Variants in ARHGAP44 observed in about 807,000 individuals in gnomAD.
The protein encoded by ARHGAP44 is Rho GTPase activating protein 44, also known as rho GTPase-activating protein 44.
Under a neutral mutation model 106.8 loss-of-function variants are expected in ARHGAP44, and 43 were observed. The observed-to-expected ratio is 0.40, with a 90% CI of 0.32 to 0.52. The LOEUF is 0.52. Among genes scored for constraint, ARHGAP44 ranks in the 20% least tolerant of loss-of-function variants. The pLI is 0.48. For synonymous variants in ARHGAP44, 439 were observed against 410.3 expected, an observed-to-expected ratio of 1.07 and a Z score of -0.85; for missense variants, 866 against 1,050.5, an observed-to-expected ratio of 0.82 and a Z score of 2.43.
chr17:12,828,676 CTG>C (rs2034998721), intron 1 of ARHGAP44, among the ~76,000 whole-genome samples: 1 of 119,828 alleles, frequency 8.3e-6, no homozygotes, highest in Admixed American at 1.1e-4. Flanking sequence ...GAGTCTCTCT[CTG>C]TCACTCAGGC....
At chr17:12,842,715 C>T (rs1230146195) in intron 1 of ARHGAP44, among the ~76,000 whole-genome samples, 1 of 152,190 alleles carries the variant, frequency 6.6e-6, no homozygotes, top group Non-Finnish European at 1.5e-5. Flanking sequence ...TAAACCCCGA[C>T]TGTGTATCCT....
chr17:12,802,828 G>A (rs1262417724), intron 1 of ARHGAP44, among the ~76,000 whole-genome samples: 11 of 132,136 alleles, frequency 8.3e-5, no homozygotes, highest in Middle Eastern at 4.1e-3. Flanking sequence ...GCGTGAGCTC[G>A]GTCCACTGCA....
chr17:12,983,264 T>C (rs1366270027), intron 19 of ARHGAP44, among the ~76,000 whole-genome samples: 1 of 95,820 alleles, frequency 1.0e-5, no homozygotes, highest in African/African-American at 4.1e-5. Context: ...GACTCCATCT[T>C]AAAAAAAAAA....
At chr17:12,821,284 G>A (rs570509229) in intron 1 of ARHGAP44, among the ~76,000 whole-genome samples, 2 of 152,250 alleles carry the variant, frequency 1.3e-5, no homozygotes, top group South Asian at 4.1e-4. Flanking sequence ...CATTTACCTG[G>A]TTATCAATTG....
chr17:12,920,997 A>G lies in ARHGAP44; in HGVS notation c.464+1166A>G, dbSNP rs530278419. The stretch of plus-strand genomic sequence containing the variant: ...AAAAGGCAGGTGCGTGAGTATTAAT[A>G]TGGAAAGAACTATTTGGTTCTACCT... On this transcript the variant is annotated intron_variant, in intron 6 of 20. Transcript: ENST00000379672. 5.3e-5 allele frequency among the ~76,000 whole-genome samples: 8 copies of G among 152,312 alleles called. No homozygotes were observed. In the South Asian group the frequency reaches 1.7e-3, roughly 32 times the overall value.
At chr17:12,888,333 G>T (rs9899819) in intron 1 of ARHGAP44, among the ~76,000 whole-genome samples, 29,857 of 152,030 alleles carry the variant, frequency 0.2, 3,696 homozygotes, top group East Asian at 0.44. Context: ...TTAAACATCT[G>T]CCTTGAGACC....
rs11867991 is a variant in ARHGAP44, at chr17:12,958,280, T to G, written c.1343-437T>G. 0.15 allele frequency among the ~76,000 whole-genome samples: 23,362 copies of G among 152,156 alleles called. 3,885 individuals carry two copies. The highest frequency in any genetic ancestry group is 0.42 in the African/African-American group (17,205 of 41,444). On this transcript the variant is annotated intron_variant, in intron 15 of 20. Coordinates refer to ENST00000379672, the MANE Select transcript of ARHGAP44 (RefSeq NM_014859.6). This position sits in a 1 kb window ranked among gnomAD's most constrained non-coding sequence, Gnocchi z 4.1. ...AAGGCAGTGTCATCATCTATAAATA[T>G]TAATATTGCCTCTTATTTTATTTTC... is the stretch of plus-strand genomic sequence containing the variant.
chr17:12,879,655 G>GTATA (rs2036661180), intron 1 of ARHGAP44, among the ~76,000 whole-genome samples: 2 of 147,670 alleles, frequency 1.4e-5, no homozygotes, highest in Admixed American at 1.4e-4. Flanking sequence ...TATATTTTAT[G>GTATA]TATGTATAAA....
intron 2 of ARHGAP44, 49 bp from the exon 3 acceptor site, chr17:12,896,358 C>A: frequency 6.7e-7 from 1 of 1,503,112 alleles, no homozygotes; most frequent in Non-Finnish European, 9.1e-7. Context: ...ATCCCTCCTC[C>A]CCTGACCTTG....
chr17:12,863,855 G>A (rs1331697905), intron 1 of ARHGAP44, among the ~76,000 whole-genome samples: 6 of 152,146 alleles, frequency 3.9e-5, no homozygotes, highest in African/African-American at 9.7e-5. Flanking sequence ...CATTTCTCTC[G>A]CATTCAACAT....
At chr17:12,968,451 A>G (rs2039444347) in intron 16 of ARHGAP44, among the ~76,000 whole-genome samples, 1 of 152,152 alleles carries the variant, frequency 6.6e-6, no homozygotes, top group Admixed American at 6.5e-5. Flanking sequence ...TTTGTTTTCC[A>G]AAGAACCTTT....
chr17:12,972,629 CAA>C (rs927933971), intron 16 of ARHGAP44, among the ~76,000 whole-genome samples: 3 of 150,784 alleles, frequency 2.0e-5, no homozygotes, highest in Admixed American at 6.6e-5. Flanking sequence ...GCCTGGGTGA[CAA>C]GAGCGAAACT....
chr17:12,801,981 A>G (rs898907400), intron 1 of ARHGAP44, among the ~76,000 whole-genome samples: 10 of 152,212 alleles, frequency 6.6e-5, no homozygotes, highest in African/African-American at 2.4e-4. Context: ...GGGGCCCTAA[A>G]AAGTCTAAGT....
Position 12,789,584 on chromosome 17 carries a change from G to A in ARHGAP44, c.-255G>A, listed in dbSNP as rs1473607041. On this transcript the variant is annotated 5_prime_UTR_variant, in exon 1 of 21. Coordinates refer to ENST00000379672, the MANE Select transcript of ARHGAP44 (RefSeq NM_014859.6). ...GGCGGAGCGGGCCGGTGCCGAGGAC[G>A]GCCCCAGGCATTGCTCTGCCCCGGG... 1.5e-5 allele frequency: 4 copies of A among 267,908 alleles called. No individual in the cohort carries two copies. The highest frequency in any genetic ancestry group is 2.8e-5 in the Non-Finnish European group (4 of 142,678). 16.6% of individuals were successfully genotyped at this position (267,908 alleles called of 1,614,324 possible). A position where few individuals can be genotyped will look rare whatever the true frequency, so the allele number is the denominator to read the frequency against.
intron 7 of ARHGAP44, 78 bp downstream of exon 7, chr17:12,929,124 C>A: frequency 1.5e-6 from 2 of 1,298,238 alleles, no homozygotes; most frequent in Non-Finnish European, 2.2e-6. Context: ...CACTGGAGTT[C>A]TCTTAAAACT....
At chr17:12,948,723 T>TACACACACACACACACACACACAC (rs71369353) in intron 10 of ARHGAP44, among the ~76,000 whole-genome samples, 14 of 29,310 alleles carry the variant, frequency 4.8e-4, no homozygotes, top group South Asian at 1.6e-3. Context: ...CCAACACACA[T>TACACACACACACACACACACACAC]ACACACACAC....
chr17:12,930,564 A>G (rs1341437962), intron 7 of ARHGAP44, among the ~76,000 whole-genome samples: 2 of 152,192 alleles, frequency 1.3e-5, no homozygotes, highest in East Asian at 3.9e-4. Context: ...ACTATCTACC[A>G]TGGATCTATG....
intron 1 of ARHGAP44, among the ~76,000 whole-genome samples, chr17:12,837,321 A>G (rs1056521086): frequency 1.3e-5 from 2 of 152,216 alleles, no homozygotes; most frequent in Non-Finnish European, 2.9e-5. Flanking sequence ...TGGGTACCCC[A>G]TTTACCCTAA....
At chr17:12,931,762 G>A (rs955683725) in intron 7 of ARHGAP44, among the ~76,000 whole-genome samples, 14 of 151,782 alleles carry the variant, frequency 9.2e-5, no homozygotes, top group African/African-American at 3.1e-4. Flanking sequence ...GCCTCCCAAA[G>A]TGCTGGGATT....
Sources: gnomAD v4.1 joint callset for allele counts (sites outside exome capture counted in the v4.1 genomes callset) on GRCh38, gnomAD v4.1.1 for gene constraint, Gnocchi (gnomAD v3.1) non-coding constraint, MANE v1.5 for transcripts, NCBI Gene and HGNC (gene_info 2026-07-23, HGNC 2026-07-21) for gene names.